Variants in NPHP4 observed in about 807,000 individuals in gnomAD.
NPHP4 encodes nephrocystin 4.
Under a neutral mutation model 155.8 loss-of-function variants are expected in NPHP4, and 151 were observed. The observed-to-expected ratio is 0.97, with a 90% CI of 0.85 to 1.11. The LOEUF (loss-of-function observed/expected upper bound fraction) is 1.11, where lower values mean the gene tolerates loss of function less well. NPHP4 is among the 50% of genes least tolerant of loss of function. The probability of loss-of-function intolerance (pLI) is 0.00; values close to 1 mark genes in which losing one functional copy is unlikely to be tolerated. For synonymous variants in NPHP4, 845 were observed against 816.8 expected, an observed-to-expected ratio of 1.03 and a Z score of -0.59; for missense variants, 1,956 against 1,925.7, an observed-to-expected ratio of 1.02 and a Z score of -0.29.
chr1:5,887,484 G>A lies in NPHP4; in HGVS notation c.2305-18C>T, dbSNP rs369699238. 40 of 1,611,208 alleles carry A rather than the reference G, an allele frequency of 2.5e-5. No individual in the cohort carries two copies. Among genetic ancestry groups the A allele is most frequent in the South Asian group, 4.4e-5 (4 of 91,048 alleles). On this transcript the variant is annotated intron_variant, in intron 17 of 29. Transcript: ENST00000378156. ...AGGAGATGCTGCAGAAGAGAAAAGC[G>A]CGTTCAGAGGCTGGAGCCGGCCCTG...
At chr1:5,946,963 A>G (rs1036811270) in intron 9 of NPHP4, 141 bp downstream of exon 9, 1 of 902,898 alleles carries the variant, frequency 1.1e-6, no homozygotes, top group African/African-American at 1.7e-5. Context: ...CAGCTGATAA[A>G]TGTCAGTAAA....
Position 5,991,083 on chromosome 1 carries a change from C to T in NPHP4, c.-39+1161G>A, listed in dbSNP as rs114129101. 1.2e-3 allele frequency among the ~76,000 whole-genome samples: 179 copies of T among 152,160 alleles called. 2 individuals are homozygous for T. The highest frequency in any genetic ancestry group is 4.2e-3 in the African/African-American group (174 of 41,500). The stretch of plus-strand genomic sequence containing the variant: ...AGGAAGATGCAGGGGGTGGGAGGCG[C>T]TGTCAGGGTCCGGGAAGCCTCCTTC... On this transcript the variant is annotated intron_variant, in intron 1 of 29. Transcript: ENST00000378156.
chr1:5,908,325 T>C (rs2101208294), intron 12 of NPHP4, among the ~76,000 whole-genome samples: 1 of 152,286 alleles, frequency 6.6e-6, no homozygotes, highest in East Asian at 1.9e-4. Flanking sequence ...GTGAATCCAG[T>C]ATTCTTCACT....
Position 5,978,157 on chromosome 1 carries a change from G to A in NPHP4, c.279+113C>T, listed in dbSNP as rs1248907269. On this transcript the variant is annotated intron_variant, in intron 3 of 29. Transcript: ENST00000378156. ...CTGTGCTGCCTGGACCCACAAGTCT[G>A]AGACGCGCTGTGAGGTCTCGGCAAG... is the stretch of plus-strand genomic sequence containing the variant. The A allele has an allele frequency of 9.2e-6, 9 of 975,594 alleles. No individual in the cohort carries two copies. The East Asian group carries it at 2.4e-4, about 26-fold the overall frequency. The allele number at this position is 975,594 out of a possible 1,614,324, so 60.4% of individuals were successfully genotyped here.
Position 5,887,482 on chromosome 1 carries a change from G to T in NPHP4, c.2305-16C>A. On this transcript the variant is annotated splice_polypyrimidine_tract_variant and intron_variant, in intron 17 of 29. Coordinates refer to ENST00000378156, the MANE Select transcript of NPHP4 (RefSeq NM_015102.5). ...GGAGGAGATGCTGCAGAAGAGAAAA[G>T]CGCGTTCAGAGGCTGGAGCCGGCCC... 1 of 1,611,794 alleles carries T rather than the reference G, an allele frequency of 6.2e-7. No homozygotes were observed. The highest frequency in any genetic ancestry group is 1.1e-5 in the South Asian group (1 of 91,068).
intron 2 of NPHP4, among the ~76,000 whole-genome samples, chr1:5,984,660 C>T (rs1033420914): frequency 1.3e-5 from 2 of 152,210 alleles, no homozygotes; most frequent in African/African-American, 4.8e-5. Flanking sequence ...TACGAAAACA[C>T]ACTGTATCTA....
At position 5,973,359 on chromosome 1, in the gene NPHP4, T is replaced by C. The variant is rs934534564; in HGVS notation, c.280-4100A>G. Among the ~76,000 whole-genome samples, 3 of 152,246 alleles carry C rather than the reference T, an allele frequency of 2.0e-5. No individual in the cohort carries two copies. The South Asian group carries it at 6.2e-4, about 31-fold the overall frequency. ...CCTAAAGAGCAACTCCTTGGCTTACTTAGAAAAGTAAGTGAGCAGACATGA... is the reference window on the plus strand; with the variant it reads ...CCTAAAGAGCAACTCCTTGGCTTACCTAGAAAAGTAAGTGAGCAGACATGA... On this transcript the variant is annotated intron_variant, in intron 3 of 29. Transcript: ENST00000378156.
chr1:5,949,485 A>G (rs1647517587), intron 7 of NPHP4, among the ~76,000 whole-genome samples: 1 of 152,086 alleles, frequency 6.6e-6, no homozygotes, highest in Admixed American at 6.5e-5. Context: ...GTGTCATTGT[A>G]AACAAAACAA....
chr1:5,951,848 C>T (rs1648132179), intron 7 of NPHP4, among the ~76,000 whole-genome samples: 1 of 152,244 alleles, frequency 6.6e-6, no homozygotes, highest in Non-Finnish European at 1.5e-5. Flanking sequence ...CTAGAAACAA[C>T]CTCCCTGGCC....
At chr1:5,866,263 C>T (rs1641209046) in intron 26 of NPHP4, 110 bp downstream of exon 26, 1 of 770,580 alleles carries the variant, frequency 1.3e-6, no homozygotes, top group Non-Finnish European at 2.3e-6. Flanking sequence ...CCGAAAGCTC[C>T]CCCAATTTTA....
Position 5,903,671 on chromosome 1 carries a change from T to C in NPHP4, c.2143+946A>G, listed in dbSNP as rs1197429430. 2.6e-5 allele frequency among the ~76,000 whole-genome samples: 4 copies of C among 152,166 alleles called. No individual in the cohort carries two copies. The East Asian group carries it at 7.7e-4, about 29-fold the overall frequency. ...GGGAATCATGTAATTACTTCAGAAATTGGCAAATAAAGGGAAGAATCAAGT... is the reference window on the plus strand; with the variant it reads ...GGGAATCATGTAATTACTTCAGAAACTGGCAAATAAAGGGAAGAATCAAGT... On this transcript the variant is annotated intron_variant, in intron 16 of 29. Coordinates refer to ENST00000378156, the MANE Select transcript of NPHP4 (RefSeq NM_015102.5).
intron 23 of NPHP4, among the ~76,000 whole-genome samples, chr1:5,868,834 G>A (rs1300596028): frequency 3.5e-4 from 30 of 84,724 alleles, no homozygotes; most frequent in Middle Eastern, 0.026. Flanking sequence ...ATGCACACAC[G>A]CACCCACACA....
At chr1:5,948,279 C>T in intron 7 of NPHP4, 28 bp from the exon 8 acceptor site, 1 of 1,505,328 alleles carries the variant, frequency 6.6e-7, no homozygotes, top group Non-Finnish European at 8.9e-7. Flanking sequence ...GGAATGAGCC[C>T]CGGCACAGAC....
At chr1:5,903,502 C>T (rs1334358087) in intron 16 of NPHP4, among the ~76,000 whole-genome samples, 1 of 152,100 alleles carries the variant, frequency 6.6e-6, no homozygotes, top group African/African-American at 2.4e-5. Flanking sequence ...TGAGCTGAGT[C>T]ACTGACCAAG....
At chr1:5,877,499 C>T (rs1642741708) in intron 19 of NPHP4, 2 of 418,986 alleles carry the variant, frequency 4.8e-6, no homozygotes, top group South Asian at 9.3e-5. Context: ...ACAGCATCCC[C>T]TCCTTTCCTC....
At chr1:5,975,352 T>A (rs1365169306) in intron 3 of NPHP4, among the ~76,000 whole-genome samples, 1 of 152,184 alleles carries the variant, frequency 6.6e-6, no homozygotes, top group African/African-American at 2.4e-5. Flanking sequence ...GGGGCACCAC[T>A]GGCCTCTGCT....
intron 4 of NPHP4, among the ~76,000 whole-genome samples, chr1:5,967,681 A>G (rs370699113): frequency 1.4e-4 from 22 of 152,338 alleles, no homozygotes; most frequent in South Asian, 4.1e-4. Flanking sequence ...CCACAGCTGT[A>G]TATCTGGAGC....
intron 16 of NPHP4, among the ~76,000 whole-genome samples, chr1:5,898,084 G>A (rs1052048186): frequency 6.6e-6 from 1 of 152,170 alleles, no homozygotes; most frequent in Non-Finnish European, 1.5e-5. Context: ...GATGCCTCTC[G>A]GCTGGGACAG....
rs143478113 is a variant in NPHP4 at position 5,899,652 on chromosome 1, T to C, written c.2143+4965A>G. Among the ~76,000 whole-genome samples, 48 of 152,268 alleles carry C rather than the reference T, an allele frequency of 3.2e-4. No individual in the cohort carries two copies. In the East Asian group the frequency reaches 9.1e-3, roughly 29 times the overall value. On this transcript the variant is annotated intron_variant, in intron 16 of 29. Coordinates refer to ENST00000378156, the MANE Select transcript of NPHP4 (RefSeq NM_015102.5). ...CAGACCTAAATGTAAACCACAAAAC[T>C]ATACAACTCCTAGGAGACGACACAG...
Sources: allele counts gnomAD v4.1 joint callset (sites outside exome capture counted in the v4.1 genomes callset), GRCh38; gene constraint gnomAD v4.1.1; transcripts MANE v1.5; gene names NCBI Gene and HGNC (gene_info 2026-07-23, HGNC 2026-07-21).